The following PRKX variants were observed in gnomAD, a reference collection of about 807,000 sequenced individuals.
The protein encoded by PRKX is cAMP-dependent protein kinase catalytic subunit PRKX.
Under a neutral mutation model 22.0 loss-of-function variants are expected in PRKX, and 12 were observed. That is an observed-to-expected ratio of 0.54 (90% CI 0.35 to 0.88). The LOEUF (loss-of-function observed/expected upper bound fraction) is 0.88, where lower values mean the gene tolerates loss of function less well. Among genes scored for constraint, PRKX ranks in the 40% least tolerant of loss-of-function variants. PRKX has a pLI of 0.01. For synonymous variants in PRKX, 134 were observed against 137.7 expected (o/e 0.97, Z 0.19); for missense variants, 217 against 308.0 (o/e 0.70, Z 2.21).
chrX:3,702,481 G>A (rs1603474876), intron 1 of PRKX, among the ~76,000 whole-genome samples: 1 of 108,981 alleles, frequency 9.2e-6, no homozygotes, highest in African/African-American at 3.3e-5. Context: ...TAACTACCTC[G>A]GAGAATAATG....
At position 3,616,309 on chromosome X, in the gene PRKX, C is replaced by A. The variant is rs771960374; in HGVS notation, c.874-417G>T. Among the ~76,000 whole-genome samples, 6 of 111,442 alleles carry A rather than the reference C, an allele frequency of 5.4e-5. No individual in the cohort carries two copies. In the South Asian group the frequency reaches 2.3e-3, roughly 42 times the overall value. ...AATGATGTTAATTTGCTCCGTAGGACCCAGCAAGTAAATAACAAGACTGGG... is the reference window on the plus strand; with the variant it reads ...AATGATGTTAATTTGCTCCGTAGGAACCAGCAAGTAAATAACAAGACTGGG... On this transcript the variant is annotated intron_variant, in intron 6 of 8. Coordinates refer to ENST00000262848, the MANE Select transcript of PRKX (RefSeq NM_005044.5).
At chrX:3,660,613 T>A (rs1927575296) in intron 2 of PRKX, among the ~76,000 whole-genome samples, 2 of 111,869 alleles carry the variant, frequency 1.8e-5, no homozygotes, top group Admixed American at 1.9e-4. Flanking sequence ...GAATAATGCA[T>A]CACCTTGTCA....
chrX:3,697,518 T>C (rs1314208818), intron 1 of PRKX, among the ~76,000 whole-genome samples: 1 of 110,572 alleles, frequency 9.0e-6, no homozygotes, highest in African/African-American at 3.3e-5. Flanking sequence ...CCAGGCAATG[T>C]TTGTTTTCAT....
chrX:3,634,194 G>A (rs1926841568), intron 4 of PRKX, among the ~76,000 whole-genome samples: 1 of 110,847 alleles, frequency 9.0e-6, no homozygotes, highest in South Asian at 3.9e-4. Context: ...AGGTTGCAGT[G>A]AGCCGAGATC....
rs1928826480 is a variant in PRKX, at chrX:3,713,076, G to A, written c.166+12C>T. The A allele has an allele frequency of 1.7e-6, 2 of 1,156,985 alleles. No individual in the cohort carries two copies. The highest frequency in any genetic ancestry group is 1.8e-5 in the African/African-American group (1 of 54,281). On this transcript the variant is annotated intron_variant, in intron 1 of 8. Coordinates refer to ENST00000262848, the MANE Select transcript of PRKX (RefSeq NM_005044.5). The stretch of plus-strand genomic sequence containing the variant: ...GCCCCTGTGGGCCGAGTCCCCGCCC[G>A]CACTCACTCACCCACGGTGGCCAGC...
At chrX:3,692,267 G>A (rs989764501) in intron 1 of PRKX, among the ~76,000 whole-genome samples, 13 of 110,245 alleles carry the variant, frequency 1.2e-4, no homozygotes, top group African/African-American at 3.3e-4. Context: ...GCAGAGTGGC[G>A]TCCCTGGGCT....
intron 4 of PRKX, among the ~76,000 whole-genome samples, chrX:3,635,472 T>C (rs1394269201): frequency 8.9e-6 from 1 of 112,281 alleles, no homozygotes; most frequent in Non-Finnish European, 1.9e-5. Context: ...GGGATGCCAC[T>C]TTGAGAATCA....
In PRKX at chrX:3,676,954, C is replaced by T. The variant is rs371864987; in HGVS notation, c.167-2188G>A. 3.6e-3 allele frequency among the ~76,000 whole-genome samples: 398 copies of T among 112,088 alleles called. 3 individuals carry two copies. Among genetic ancestry groups the T allele is most frequent in the African/African-American group, 0.011 (349 of 30,816 alleles). ...CTTCTGCCATGACTGTCGGAACCTC[C>T]GCAGCCATGTGGAACTGTGAGTCCA... On this transcript the variant is annotated intron_variant, in intron 1 of 8. Coordinates refer to ENST00000262848, the MANE Select transcript of PRKX (RefSeq NM_005044.5).
intron 1 of PRKX, among the ~76,000 whole-genome samples, chrX:3,681,805 C>T (rs1179397954): frequency 9.1e-6 from 1 of 109,659 alleles, no homozygotes; most frequent in Non-Finnish European, 1.9e-5. Context: ...TTCCTCAAGC[C>T]CAGCAAACCC....
chrX:3,613,883 A>AAAAAAAG (rs1491165264), intron 7 of PRKX, among the ~76,000 whole-genome samples: 1 of 97,547 alleles, frequency 1.0e-5, no homozygotes, highest in Non-Finnish European at 2.0e-5. Context: ...AAAAAAAAGA[A>AAAAAAAG]GCGTATCATC....
intron 4 of PRKX, among the ~76,000 whole-genome samples, chrX:3,631,288 A>C (rs1926775482): frequency 8.9e-6 from 1 of 112,708 alleles, no homozygotes; most frequent in African/African-American, 3.2e-5. Context: ...GATAGAATTA[A>C]GGAGCTTCAG....
chrX:3,655,633 G>A (rs946166105), intron 2 of PRKX, among the ~76,000 whole-genome samples: 3 of 112,648 alleles, frequency 2.7e-5, no homozygotes, highest in Non-Finnish European at 5.6e-5. Context: ...TCGAATGCAC[G>A]TACATACAGA....
intron 1 of PRKX, among the ~76,000 whole-genome samples, chrX:3,691,583 G>A (rs749759187): frequency 1.8e-5 from 2 of 110,909 alleles, no homozygotes; most frequent in African/African-American, 3.3e-5. Context: ...TTCTCAAACT[G>A]AGTCCATTAA....
chrX:3,691,421 T>TC lies in PRKX; in HGVS notation c.167-16656dup, dbSNP rs758431563. Among the ~76,000 whole-genome samples, 65 of 50,208 alleles carry TC rather than the reference T, an allele frequency of 1.3e-3. 1 individual carries two copies. Among genetic ancestry groups the TC allele is most frequent in the African/African-American group, 4.2e-3 (56 of 13,193 alleles). The allele number at this position is 50,208 out of a possible 115,157, so 43.6% of individuals were successfully genotyped here. ...CAGTTAGTATTCTCTCTTAACCCAG[T>TC]CCCCCCGCCCCGGGGGAGTGGGCTA... On this transcript the variant is annotated intron_variant, in intron 1 of 8. Coordinates refer to ENST00000262848, the MANE Select transcript of PRKX (RefSeq NM_005044.5).
intron 1 of PRKX, among the ~76,000 whole-genome samples, chrX:3,690,173 T>C (rs1446013518): frequency 2.7e-5 from 3 of 111,331 alleles, no homozygotes; most frequent in African/African-American, 9.8e-5. Flanking sequence ...CTATAACCAG[T>C]GGGTGGGGGA....
chrX:3,621,566 A>T (rs1926558652), intron 5 of PRKX, among the ~76,000 whole-genome samples: 1 of 111,957 alleles, frequency 8.9e-6, no homozygotes, highest in African/African-American at 3.2e-5. Context: ...TGTAAAGAAA[A>T]TACACCTCTG....
intron 2 of PRKX, among the ~76,000 whole-genome samples, chrX:3,669,219 A>G (rs2146592595): frequency 8.9e-6 from 1 of 112,539 alleles, no homozygotes; most frequent in Admixed American, 9.4e-5. Flanking sequence ...GCTATCATCT[A>G]TCAATCACTT....
intron 4 of PRKX, among the ~76,000 whole-genome samples, chrX:3,637,578 C>T (rs1472755444): frequency 9.0e-6 from 1 of 111,013 alleles, no homozygotes; most frequent in African/African-American, 3.3e-5. Flanking sequence ...TGTGAAGAGA[C>T]ACAGGGCTGC....
chrX:3,662,995 C>CT (rs1439237753), intron 2 of PRKX, among the ~76,000 whole-genome samples: 1 of 48,496 alleles, frequency 2.1e-5, no homozygotes, highest in African/African-American at 7.2e-5. Flanking sequence ...AAGGCCCTGT[C>CT]TTTAAAAAAA....
Sources: gnomAD v4.1 joint callset for allele counts (sites outside exome capture counted in the v4.1 genomes callset) on GRCh38, gnomAD v4.1.1 for gene constraint, MANE v1.5 for transcripts, NCBI Gene and HGNC (gene_info 2026-07-23, HGNC 2026-07-21) for gene names.